GLI3: variants seen among roughly 807,000 people sequenced by gnomAD.
GLI3 encodes the protein transcription activator GLI3.
GLI3 carries 20 observed loss-of-function variants against 100.8 expected under a neutral mutation model. The ratio of observed to expected loss-of-function variants is 0.20; its 90% CI spans 0.14 to 0.29. The LOEUF is 0.29. Ranked by LOEUF, GLI3 falls within the 10% of genes least tolerant of loss-of-function variation. GLI3 has a pLI of 1.00. For missense variants in GLI3, 2,040 were observed against 2,128.5 expected, an observed-to-expected ratio of 0.96 and a Z score of 0.82; for synonymous variants, 938 against 860.5, an observed-to-expected ratio of 1.09 and a Z score of -1.58.
intron 13 of GLI3, among the ~76,000 whole-genome samples, chr7:41,968,686 G>GAAGAAAGAAAGA (rs748578300): frequency 5.2e-5 from 4 of 76,202 alleles, no homozygotes; most frequent in African/African-American, 1.5e-4. Context: ...AAGAAAGAAA[G>GAAGAAAGAAAGA]AAGAAAGAAA....
intron 3 of GLI3, among the ~76,000 whole-genome samples, chr7:42,117,996 C>T (rs1234960398): frequency 2.0e-5 from 3 of 152,174 alleles, no homozygotes; most frequent in Non-Finnish European, 4.4e-5. Flanking sequence ...GTGAAGTTAT[C>T]AGAATATACT....
chr7:42,087,714 CTTTT>C, intron 3 of GLI3, among the ~76,000 whole-genome samples: 1 of 145,834 alleles, frequency 6.9e-6, no homozygotes, highest in African/African-American at 2.5e-5. Context: ...CCACCACCTA[CTTTT>C]TTTTTTTTTT....
intron 4 of GLI3, among the ~76,000 whole-genome samples, chr7:42,071,410 C>G (rs1306884478): frequency 1.3e-5 from 2 of 151,994 alleles, no homozygotes; most frequent in Non-Finnish European, 2.9e-5. Flanking sequence ...GTTTTGACCC[C>G]AAATATAATT....
intron 5 of GLI3, among the ~76,000 whole-genome samples, chr7:42,048,087 G>T (rs1426906590): frequency 6.6e-6 from 1 of 152,184 alleles, no homozygotes; most frequent in African/African-American, 2.4e-5. Flanking sequence ...TCATCAGAAG[G>T]TGAGTAAAAC....
chr7:42,205,922 C>T (rs1432169893), intron 2 of GLI3, among the ~76,000 whole-genome samples: 1 of 152,078 alleles, frequency 6.6e-6, no homozygotes, highest in East Asian at 1.9e-4. Context: ...CTTCCCACAG[C>T]CAATATAATT....
At chr7:42,093,141 C>A (rs906144534) in intron 3 of GLI3, among the ~76,000 whole-genome samples, 1 of 151,784 alleles carries the variant, frequency 6.6e-6, no homozygotes, top group Non-Finnish European at 1.5e-5. Flanking sequence ...AACAGAAGGG[C>A]GCCCAGCATG....
intron 4 of GLI3, among the ~76,000 whole-genome samples, chr7:42,066,883 T>G (rs187960580): frequency 1.3e-5 from 2 of 152,278 alleles, no homozygotes; most frequent in East Asian, 3.9e-4. Flanking sequence ...GAGGCTGACC[T>G]TCTTTTCCCC....
At chr7:42,004,531 A>T (rs1788394148) in intron 10 of GLI3, among the ~76,000 whole-genome samples, 1 of 152,202 alleles carries the variant, frequency 6.6e-6, no homozygotes, top group Non-Finnish European at 1.5e-5. Context: ...TACAGAAAAA[A>T]ACTTCCTACC....
intron 2 of GLI3, among the ~76,000 whole-genome samples, chr7:42,195,596 C>T (rs1222011624): frequency 6.6e-6 from 1 of 152,186 alleles, no homozygotes; most frequent in Non-Finnish European, 1.5e-5. Context: ...GCCAGTGCCC[C>T]CACTAGGTCC....
In GLI3 at chr7:42,045,385, A is replaced by G. The variant is rs201269781; in HGVS notation, c.825T>C (p.Asp275=). 347 of 1,613,824 alleles carry G rather than the reference A, an allele frequency of 2.2e-4. 3 individuals carry two copies. In the East Asian group the frequency reaches 7.7e-3, roughly 36 times the overall value. Residue 275 remains aspartate (D), a splice_region_variant and synonymous_variant, in exon 6 of 15, where the codon GAT becomes GAC. Transcript: ENST00000395925. ...CTAGAAACCAGCCCCGTCACTTACT[A>G]TCCATAGCATGAAGATATTCCATGT... ...AIHMEYLHAM[D]STRFSSPRLS... is the part of the protein sequence containing the mutation.
At chr7:42,072,373 G>A (rs778962218) in intron 4 of GLI3, among the ~76,000 whole-genome samples, 12 of 152,132 alleles carry the variant, frequency 7.9e-5, no homozygotes, top group Non-Finnish European at 1.5e-4. Context: ...CAAAATGAAT[G>A]AAATCAAATT....
At chr7:42,051,234 G>A (rs144806762) in intron 4 of GLI3, among the ~76,000 whole-genome samples, 108 of 152,292 alleles carry the variant, frequency 7.1e-4, no homozygotes, top group African/African-American at 2.4e-3. Flanking sequence ...CAGTCATAAG[G>A]GGGTCATCAG....
chr7:42,119,224 T>C (rs1437470627), intron 3 of GLI3, among the ~76,000 whole-genome samples: 1 of 152,254 alleles, frequency 6.6e-6, no homozygotes, highest in South Asian at 2.1e-4. Context: ...TCTACATTTC[T>C]ATGTAAGCAA....
chr7:42,106,206 C>T (rs937887321), intron 3 of GLI3, among the ~76,000 whole-genome samples: 1 of 152,214 alleles, frequency 6.6e-6, no homozygotes, highest in Non-Finnish European at 1.5e-5. Context: ...CCCGCAGTTT[C>T]CATGCTGCTC....
intron 2 of GLI3, among the ~76,000 whole-genome samples, chr7:42,166,156 G>A (rs1787237119): frequency 6.6e-6 from 1 of 152,140 alleles, no homozygotes; most frequent in African/African-American, 2.4e-5. Flanking sequence ...CCCATCTTCT[G>A]AGCCTGCTCA....
intron 3 of GLI3, among the ~76,000 whole-genome samples, chr7:42,147,561 T>C (rs1314271503): frequency 5.3e-5 from 8 of 152,218 alleles, no homozygotes; most frequent in Non-Finnish European, 8.8e-5. Context: ...TCAACCCTTA[T>C]ACATTTTTCT....
At chr7:42,024,576 G>T (rs532537310) in intron 9 of GLI3, among the ~76,000 whole-genome samples, 1 of 152,304 alleles carries the variant, frequency 6.6e-6, no homozygotes, top group Admixed American at 6.5e-5. Context: ...TCTATGGTGG[G>T]GAATTAGCAT....
chr7:42,128,710 G>A (rs561448627), intron 3 of GLI3, among the ~76,000 whole-genome samples: 1 of 152,310 alleles, frequency 6.6e-6, no homozygotes, highest in African/African-American at 2.4e-5. Context: ...CCCATGAGCC[G>A]TCCTTGGTAT....
At chr7:42,163,587 C>T (rs545451263) in intron 2 of GLI3, among the ~76,000 whole-genome samples, 27 of 152,164 alleles carry the variant, frequency 1.8e-4, no homozygotes, top group African/African-American at 6.5e-4. Flanking sequence ...CGCCAGCACA[C>T]CTGGCTAATT....
Sources: allele counts gnomAD v4.1 joint callset (sites outside exome capture counted in the v4.1 genomes callset), GRCh38; gene constraint gnomAD v4.1.1; transcripts MANE v1.5; gene names NCBI Gene and HGNC (gene_info 2026-07-23, HGNC 2026-07-21).